The following GPBP1L1 variants were observed in gnomAD, a reference collection of about 807,000 sequenced individuals.
GPBP1L1 encodes the protein GC-rich promoter binding protein 1 like 1.
Under a neutral mutation model 52.5 loss-of-function variants are expected in GPBP1L1, and 23 were observed. The ratio of observed to expected loss-of-function variants is 0.44; its 90% CI spans 0.32 to 0.62. The LOEUF (loss-of-function observed/expected upper bound fraction) is 0.62. Among genes scored for constraint, GPBP1L1 ranks in the 20% least tolerant of loss-of-function variants. GPBP1L1 has a pLI of 0.06. For synonymous variants in GPBP1L1, 243 were observed against 203.1 expected (o/e 1.20, Z -1.67); for missense variants, 596 against 579.3 (o/e 1.03, Z -0.30).
rs189343396 is a variant in GPBP1L1 at position 45,648,637 on chromosome 1, G to T, written c.477+5906C>A. ...TTTGTCCCTATCCCTTTACGGGTATGTGGGGAAATATCATTTTGCTTTGAC... is the reference window on the plus strand; with the variant it reads ...TTTGTCCCTATCCCTTTACGGGTATTTGGGGAAATATCATTTTGCTTTGAC... On this transcript the variant is annotated intron_variant, in intron 6 of 12. Coordinates refer to ENST00000355105, the MANE Select transcript of GPBP1L1 (RefSeq NM_021639.5). Among the ~76,000 whole-genome samples the T allele has an allele frequency of 5.3e-5, 8 of 152,334 alleles. No homozygotes were observed. The East Asian group carries it at 1.5e-3, about 29-fold the overall frequency.
Position 45,633,586 on chromosome 1 carries a change from C to A in GPBP1L1, c.947G>T (p.Arg316Leu), listed in dbSNP as rs1309865173. 1.2e-6 allele frequency: 2 copies of A among 1,613,522 alleles called. No individual in the cohort carries two copies. Among genetic ancestry groups the A allele is most frequent in the Non-Finnish European group, 8.5e-7 (1 of 1,179,900 alleles). ...CTCACTCTTCCTGTCGGTGGTTCGG[C>A]GGGTCAACTTGGTCAGACGAGAGGA... ...ISSSRLTKLTRRTTDRKSEFL... is the reference protein window; with the variant it reads ...ISSSRLTKLTLRTTDRKSEFL... Residue 316 changes from arginine (R) to leucine (L), a missense_variant, in exon 10 of 13, where the codon CGC (arginine) becomes CTC (leucine). By Grantham distance (102) the Arg-to-Leu change is moderately radical. Transcript: ENST00000355105.
At chr1:45,672,294 G>GGA (rs1645083289) in intron 2 of GPBP1L1, among the ~76,000 whole-genome samples, 1 of 151,440 alleles carries the variant, frequency 6.6e-6, no homozygotes, top group African/African-American at 2.4e-5. Context: ...TCCGGGAGGC[G>GGA]GAGGTTGCAG....
chr1:45,679,809 T>G (rs1483628023), intron 2 of GPBP1L1, among the ~76,000 whole-genome samples: 2 of 143,058 alleles, frequency 1.4e-5, no homozygotes, highest in Non-Finnish European at 3.0e-5. Flanking sequence ...TCCCATCATG[T>G]GGGGAGGTAA....
chr1:45,684,221 G>A (rs1458635435), intron 2 of GPBP1L1, among the ~76,000 whole-genome samples: 2 of 120,906 alleles, frequency 1.7e-5, no homozygotes, highest in African/African-American at 3.3e-5. Context: ...TCAAGCCACC[G>A]CACTCCAGCC....
chr1:45,685,574 A>T lies in GPBP1L1; in HGVS notation c.-1098+2T>A, dbSNP rs1410797097. 1 of 152,220 alleles carries T rather than the reference A, an allele frequency of 6.6e-6. No homozygotes were observed. Among genetic ancestry groups the T allele is most frequent in the Non-Finnish European group, 1.5e-5 (1 of 68,030 alleles). 9.4% of individuals were successfully genotyped at this position (152,220 alleles called of 1,614,324 possible). The stretch of plus-strand genomic sequence containing the variant: ...TGGAATAGTCAACTTTGTGAGCCTC[A>T]CCTTTGTTTTCACCCAGCATAAGGA... On this transcript the variant is annotated splice_donor_variant, in intron 2 of 12. Coordinates refer to ENST00000355105, the MANE Select transcript of GPBP1L1 (RefSeq NM_021639.5). LOFTEE classifies it low-confidence loss of function (5UTR_SPLICE).
intron 2 of GPBP1L1, among the ~76,000 whole-genome samples, chr1:45,667,123 T>C (rs927602711): frequency 6.6e-6 from 1 of 152,208 alleles, no homozygotes; most frequent in African/African-American, 2.4e-5. Flanking sequence ...GTGGTGATGG[T>C]TGCACAACGC....
At position 45,658,899 on chromosome 1, in the gene GPBP1L1, A is replaced by C. The variant is rs150476331; in HGVS notation, c.60+129T>G. Reference sequence around the variant, plus strand: ...CAAAGCTGCAGTAAGCTGTGATCACACTACCGCACTTCATCCTGGGTGACA... The same window carrying C: ...CAAAGCTGCAGTAAGCTGTGATCACCCTACCGCACTTCATCCTGGGTGACA... On this transcript the variant is annotated intron_variant, in intron 4 of 12. Coordinates refer to ENST00000355105, the MANE Select transcript of GPBP1L1 (RefSeq NM_021639.5). The C allele has an allele frequency of 2.0e-3, 1,382 of 698,190 alleles. 9 individuals carry two copies. The African/African-American group carries it at 0.022, about 11-fold the overall frequency. The allele number at this position is 698,190 out of a possible 1,614,324, so 43.2% of individuals were successfully genotyped here. A position where few individuals can be genotyped will look rare whatever the true frequency, so the allele number is the denominator to read the frequency against.
intron 11 of GPBP1L1, among the ~76,000 whole-genome samples, chr1:45,629,921 G>A (rs892688711): frequency 6.6e-6 from 1 of 151,876 alleles, no homozygotes; most frequent in African/African-American, 2.4e-5. Flanking sequence ...AACCAAGACA[G>A]TGTAAGGAAG....
rs952145871 is a variant in GPBP1L1 at position 45,660,413 on chromosome 1, G to T, written c.-285C>A. 2 of 979,006 alleles carry T rather than the reference G, an allele frequency of 2.0e-6. No individual in the cohort carries two copies. Among genetic ancestry groups the T allele is most frequent in the Non-Finnish European group, 2.4e-6 (2 of 824,440 alleles). 60.6% of individuals were successfully genotyped at this position (979,006 alleles called of 1,614,324 possible). On this transcript the variant is annotated 5_prime_UTR_variant, in exon 3 of 13. Transcript: ENST00000355105. ...TCCAAAAGGGGAAAGGGGAAAAGGGGAAGGGGGGAAGGGGAACATAAAAAG... is the reference window on the plus strand; with the variant it reads ...TCCAAAAGGGGAAAGGGGAAAAGGGTAAGGGGGGAAGGGGAACATAAAAAG...
intron 2 of GPBP1L1, among the ~76,000 whole-genome samples, chr1:45,683,955 T>C (rs572300356): frequency 1.4e-5 from 2 of 147,732 alleles, no homozygotes; most frequent in Admixed American, 1.4e-4. Flanking sequence ...CCAGTATACT[T>C]ATAAAAGTAA....
chr1:45,658,863 G>T, intron 4 of GPBP1L1, 165 bp downstream of exon 4: 1 of 591,904 alleles, frequency 1.7e-6, no homozygotes. Context: ...GACTGCCTGA[G>T]CCCAGGAGGC....
chr1:45,643,277 G>A (rs958044429), intron 6 of GPBP1L1, among the ~76,000 whole-genome samples: 1 of 152,074 alleles, frequency 6.6e-6, no homozygotes, highest in Admixed American at 6.6e-5. Context: ...GGAAGGAGGG[G>A]ACCCTTCTGT....
intron 2 of GPBP1L1, among the ~76,000 whole-genome samples, chr1:45,672,964 CTT>C (rs1284197464): frequency 2.6e-5 from 4 of 152,170 alleles, no homozygotes; most frequent in Non-Finnish European, 5.9e-5. Context: ...ATAGACAACT[CTT>C]TTGAGAAGTG....
chr1:45,634,124 C>A lies in GPBP1L1; in HGVS notation c.857G>T (p.Ser286Ile). 1 of 1,613,576 alleles carries A rather than the reference C, an allele frequency of 6.2e-7. No individual in the cohort carries two copies. Among genetic ancestry groups the A allele is most frequent in the Non-Finnish European group, 8.5e-7 (1 of 1,179,582 alleles). The change falls in exon 9 of 13, where the codon AGT (serine) becomes ATT (isoleucine). Residue 286 changes from serine to isoleucine, a missense_variant. Transcript: ENST00000355105. ...TTTGGGAGAACTCAGAGCTGCACCACTAGCCAGTACCACTGGTTTGGTAAC... is the reference window on the plus strand; with the variant it reads ...TTTGGGAGAACTCAGAGCTGCACCAATAGCCAGTACCACTGGTTTGGTAAC... ...ISVTKPVVLA[S>I]GAALSSPKES...
In GPBP1L1 at chr1:45,627,367, G is replaced by C. The variant is rs1377496196; in HGVS notation, c.*889C>G. 7.1e-6 allele frequency: 1 copy of C among 140,304 alleles called. No individual in the cohort carries two copies. The highest frequency in any genetic ancestry group is 2.6e-5 in the African/African-American group (1 of 38,786). 8.7% of individuals were successfully genotyped at this position (140,304 alleles called of 1,614,324 possible). A position where few individuals can be genotyped will look rare whatever the true frequency, so the allele number is the denominator to read the frequency against. On this transcript the variant is annotated 3_prime_UTR_variant, in exon 13 of 13. Coordinates refer to ENST00000355105, the MANE Select transcript of GPBP1L1 (RefSeq NM_021639.5). ...GTTTTTCTGCATCAAAAAAGTATCTGCTAAAATAGAGAAACAGTTGTGTCT... is the reference window on the plus strand; with the variant it reads ...GTTTTTCTGCATCAAAAAAGTATCTCCTAAAATAGAGAAACAGTTGTGTCT...
intron 6 of GPBP1L1, among the ~76,000 whole-genome samples, chr1:45,642,852 C>T (rs919691397): frequency 6.6e-6 from 1 of 152,094 alleles, no homozygotes; most frequent in African/African-American, 2.4e-5. Flanking sequence ...GATCATTTTC[C>T]TCAGATTAAA....
At position 45,652,720 on chromosome 1, in the gene GPBP1L1, A is replaced by AT. The variant is rs59239639; in HGVS notation, c.477+1822dup. 3.5e-3 allele frequency among the ~76,000 whole-genome samples: 516 copies of AT among 147,714 alleles called. 5 individuals are homozygous for AT. The highest frequency in any genetic ancestry group is 0.014 in the Middle Eastern group (4 of 288). On this transcript the variant is annotated intron_variant, in intron 6 of 12. Coordinates refer to ENST00000355105, the MANE Select transcript of GPBP1L1 (RefSeq NM_021639.5). The stretch of plus-strand genomic sequence containing the variant: ...AATAAGAATATACTGTGATTGCTGC[A>AT]TTTTTTTTTTTTTAAGAGATAGAGT...
At chr1:45,644,027 AG>A (rs1420919513) in intron 6 of GPBP1L1, among the ~76,000 whole-genome samples, 1 of 152,174 alleles carries the variant, frequency 6.6e-6, no homozygotes, top group Non-Finnish European at 1.5e-5. Flanking sequence ...AAAGACACCC[AG>A]GCTCCACTAC....
At chr1:45,667,304 C>A (rs1645022027) in intron 2 of GPBP1L1, among the ~76,000 whole-genome samples, 1 of 152,138 alleles carries the variant, frequency 6.6e-6, no homozygotes. Context: ...AGTACTTTTG[C>A]TCCCTCTCTA....
Sources: gnomAD v4.1 joint callset for allele counts (sites outside exome capture counted in the v4.1 genomes callset) on GRCh38, gnomAD v4.1.1 for gene constraint, MANE v1.5 for transcripts, NCBI Gene and HGNC (gene_info 2026-07-23, HGNC 2026-07-21) for gene names.